PRRT1: variants seen among roughly 807,000 people sequenced by gnomAD.
PRRT1 encodes the protein proline-rich transmembrane protein 1.
A neutral mutation model predicts 22.6 loss-of-function variants in PRRT1; 8 were observed. The observed-to-expected ratio is 0.35, with a 90% CI of 0.21 to 0.64. The LOEUF (loss-of-function observed/expected upper bound fraction) is 0.64, where lower values mean the gene tolerates loss of function less well. Among genes scored for constraint, PRRT1 ranks in the 30% least tolerant of loss-of-function variants. PRRT1 has a pLI of 0.69. For missense variants in PRRT1, 315 were observed against 444.5 expected, an observed-to-expected ratio of 0.71 and a Z score of 2.62; for synonymous variants, 176 against 203.6, an observed-to-expected ratio of 0.86 and a Z score of 1.15.
chr6:32,148,758 G>T lies in PRRT1; in HGVS notation c.*464C>A, dbSNP rs748479713. 1 of 469,710 alleles carries T rather than the reference G, an allele frequency of 2.1e-6. No homozygotes were observed. Among genetic ancestry groups the T allele is most frequent in the South Asian group, 1.5e-5 (1 of 64,678 alleles). 29.1% of individuals were successfully genotyped at this position (469,710 alleles called of 1,614,324 possible). A position where few individuals can be genotyped will look rare whatever the true frequency, so the allele number is the denominator to read the frequency against. ...TTTGCCGGAAGAAAGGGAGGGGTCT[G>T]TCCGTCTGTGGGCGAGGCCTGGAGC... On this transcript the variant is annotated 3_prime_UTR_variant, in exon 4 of 4. Transcript: ENST00000211413. This position sits in a 1 kb window ranked among gnomAD's most constrained non-coding sequence, Gnocchi z 5.7.
intron 1 of PRRT1, chr6:32,151,218 C>G: frequency 1.6e-6 from 1 of 624,864 alleles, no homozygotes; most frequent in South Asian, 1.7e-5. Context: ...TTTGCTATAG[C>G]TGCCTTTGGG....
chr6:32,149,554 T>C lies in PRRT1; in HGVS notation c.727A>G (p.Ile243Val). Residue 243 changes from isoleucine to valine, a missense_variant, in exon 3 of 4, where the codon ATC (isoleucine) becomes GTC (valine). By Grantham distance (29) the Ile-to-Val change is conservative (BLOSUM62 3). This residue lies in a region of PRRT1 where 25 missense variants were observed against 47.8 expected (regional missense o/e 0.52). Coordinates refer to ENST00000211413, the MANE Select transcript of PRRT1 (RefSeq NM_030651.4). The surrounding 1 kb of genome is among the most constrained non-coding windows in gnomAD (Gnocchi z 8.7). ...CCCCCTACCTGCACGGCCTTGAAGATGGCAATGATGCCAGTAGGCCAGAAG... is the reference window on the plus strand; with the variant it reads ...CCCCCTACCTGCACGGCCTTGAAGACGGCAATGATGCCAGTAGGCCAGAAG... ...CCFWPTGIIA[I>V]FKAVQVRTAL... The C allele has an allele frequency of 6.2e-7, 1 of 1,613,032 alleles. No homozygotes were observed. The highest frequency in any genetic ancestry group is 1.1e-5 in the South Asian group (1 of 91,084).
Position 32,150,342 on chromosome 6 carries a change from C to A in PRRT1, c.558+26G>T. On this transcript the variant is annotated intron_variant, in intron 2 of 3. Coordinates refer to ENST00000211413, the MANE Select transcript of PRRT1 (RefSeq NM_030651.4). The surrounding 1 kb of genome is among the most constrained non-coding windows in gnomAD (Gnocchi z 7.2). ...TCCTGTATCGCGTCCCCCTCTTTCC[C>A]ATGTCCCTGTCTGCCCGGCACTCAC... The A allele has an allele frequency of 6.5e-7, 1 of 1,549,096 alleles. No individual in the cohort carries two copies. The highest frequency in any genetic ancestry group is 1.2e-5 in the South Asian group (1 of 82,662).
chr6:32,149,129 G>T lies in PRRT1; in HGVS notation c.*93C>A. Reference sequence around the variant, plus strand: ...ATCCAAGTCTGACGGCCCCAGAAACGGGTGTGCAGGGCGCCCATTGGGTCC... The same window carrying T: ...ATCCAAGTCTGACGGCCCCAGAAACTGGTGTGCAGGGCGCCCATTGGGTCC... On this transcript the variant is annotated 3_prime_UTR_variant, in exon 4 of 4. Coordinates refer to ENST00000211413, the MANE Select transcript of PRRT1 (RefSeq NM_030651.4). The surrounding 1 kb of genome is among the most constrained non-coding windows in gnomAD (Gnocchi z 8.7). 1.5e-6 allele frequency: 2 copies of T among 1,296,404 alleles called. No individual in the cohort carries two copies. Among genetic ancestry groups the T allele is most frequent in the East Asian group, 2.4e-5 (1 of 42,466 alleles). The allele number at this position is 1,296,404 out of a possible 1,614,324, so 80.3% of individuals were successfully genotyped here.
At position 32,150,720 on chromosome 6, in the gene PRRT1, GC is replaced by G; in HGVS notation, c.205del (p.Ala69ProfsTer96). On this transcript the variant is annotated frameshift_variant, in exon 2 of 4. Transcript: ENST00000211413. LOFTEE classifies it high-confidence loss of function. This position sits in a 1 kb window ranked among gnomAD's most constrained non-coding sequence, Gnocchi z 7.2. ...LGAGGLASSA[A>X]TAQRGPSSSA... is the part of the protein sequence containing the mutation. ...GGAGGAGGGACCGCGCTGAGCGGTG[GC>G]CGCGGAAGAGGCCAGGCCCCCTGCC... The G allele has an allele frequency of 6.8e-7, 1 of 1,479,648 alleles. No individual in the cohort carries two copies. The highest frequency in any genetic ancestry group is 9.0e-7 in the Non-Finnish European group (1 of 1,116,290). The allele number at this position is 1,479,648 out of a possible 1,614,324, so 91.7% of individuals were successfully genotyped here.
rs1303803381 is a variant in PRRT1, at chr6:32,149,744, G to A, written c.559-22C>T. On this transcript the variant is annotated intron_variant, in intron 2 of 3. Transcript: ENST00000211413. The surrounding 1 kb of genome is among the most constrained non-coding windows in gnomAD (Gnocchi z 8.7). Reference sequence around the variant, plus strand: ...ATGGCTGTGGAAGGAAATTTGGGGGGCAGGGGCATCACTCTGACCCTCTCC... The same window carrying A: ...ATGGCTGTGGAAGGAAATTTGGGGGACAGGGGCATCACTCTGACCCTCTCC... The A allele has an allele frequency of 6.7e-7, 1 of 1,498,332 alleles. No homozygotes were observed. Among genetic ancestry groups the A allele is most frequent in the Non-Finnish European group, 9.0e-7 (1 of 1,113,708 alleles). The allele number at this position is 1,498,332 out of a possible 1,614,324, so 92.8% of individuals were successfully genotyped here.
Position 32,149,091 on chromosome 6 carries a change from G to A in PRRT1, c.*131C>T. 1.0e-6 allele frequency: 1 copy of A among 978,652 alleles called. No homozygotes were observed. Among genetic ancestry groups the A allele is most frequent in the Non-Finnish European group, 1.6e-6 (1 of 624,162 alleles). The allele number at this position is 978,652 out of a possible 1,614,324, so 60.6% of individuals were successfully genotyped here. A position where few individuals can be genotyped will look rare whatever the true frequency, so the allele number is the denominator to read the frequency against. On this transcript the variant is annotated 3_prime_UTR_variant, in exon 4 of 4. Coordinates refer to ENST00000211413, the MANE Select transcript of PRRT1 (RefSeq NM_030651.4). This position sits in a 1 kb window ranked among gnomAD's most constrained non-coding sequence, Gnocchi z 8.7. ...CAAGGCGAGACGTTCCGTGGAGGCGGAGTTTACGATGTATCCAAGTCTGAC... is the reference window on the plus strand; with the variant it reads ...CAAGGCGAGACGTTCCGTGGAGGCGAAGTTTACGATGTATCCAAGTCTGAC...
At chr6:32,151,954 G>GC, upstream of PRRT1, 1 of 311,400 alleles carries the variant, frequency 3.2e-6, no homozygotes, top group Non-Finnish European at 6.2e-6. Flanking sequence ...GCAGCGGCGG[G>GC]GGGGGGGGGC....
chr6:32,151,302 A>G (rs1031174913), intron 1 of PRRT1: 13 of 464,516 alleles, frequency 2.8e-5, no homozygotes, highest in African/African-American at 2.6e-4. Flanking sequence ...TGCTCAATTC[A>G]ACAGTTGTAT....
Position 32,149,931 on chromosome 6 carries a change from C to T in PRRT1, c.559-209G>A. The stretch of plus-strand genomic sequence containing the variant: ...CTTCATTAACCACCATATTCTTGGG[C>T]TTTCTACATTCTCTCCCGCAAGGTA... On this transcript the variant is annotated intron_variant, in intron 2 of 3. Transcript: ENST00000211413. The surrounding 1 kb of genome is among the most constrained non-coding windows in gnomAD (Gnocchi z 8.7). 3 of 569,080 alleles carry T rather than the reference C, an allele frequency of 5.3e-6. No individual in the cohort carries two copies. Among genetic ancestry groups the T allele is most frequent in the East Asian group, 3.0e-5 (1 of 33,506 alleles). The allele number at this position is 569,080 out of a possible 1,614,324, so 35.3% of individuals were successfully genotyped here.
In PRRT1 at chr6:32,150,388, G is replaced by T; in HGVS notation, c.538C>A (p.Pro180Thr). ...CTCACCGTGCCCACCGGGTAGACCG[G>T]CACGTAAGCAGTGCAAGGCTGCAGC... ...LQLQPCTAYV[P>T]VYPVGTPYAG... Residue 180 changes from proline (P) to threonine (T), a missense_variant, in exon 2 of 4, where the codon CCG (proline) becomes ACG (threonine). By Grantham distance (38) the Pro-to-Thr change is conservative (BLOSUM62 -1). Around this residue, in one of 4 missense-constraint regions of PRRT1, gnomAD observed 263 missense variants for 328.5 expected, o/e 0.80. Transcript: ENST00000211413. The surrounding 1 kb of genome is among the most constrained non-coding windows in gnomAD (Gnocchi z 7.2). 6.4e-7 allele frequency: 1 copy of T among 1,553,024 alleles called. No individual in the cohort carries two copies. Among genetic ancestry groups the T allele is most frequent in the Non-Finnish European group, 8.6e-7 (1 of 1,157,410 alleles).
intron 1 of PRRT1, chr6:32,151,214 A>T: frequency 1.6e-6 from 1 of 628,770 alleles, no homozygotes; most frequent in Non-Finnish European, 2.9e-6. Context: ...CTCCTTTGCT[A>T]TAGCTGCCTT....
chr6:32,151,898 T>A lies in PRRT1; in HGVS notation c.-71A>T, dbSNP rs1229430783. 57 of 1,304,914 alleles carry A rather than the reference T, an allele frequency of 4.4e-5. No homozygotes were observed. The highest frequency in any genetic ancestry group is 5.6e-5 in the Non-Finnish European group (52 of 929,390). The allele number at this position is 1,304,914 out of a possible 1,614,324, so 80.8% of individuals were successfully genotyped here. On this transcript the variant is annotated 5_prime_UTR_variant, in exon 1 of 4. Transcript: ENST00000211413. ...TCCTCGGCCGGTGCTGGAGTCTGGG[T>A]GCTGGATGGCGCAGCCGGCAGCAGC... is the stretch of plus-strand genomic sequence containing the variant.
At position 32,150,355 on chromosome 6, in the gene PRRT1, G is replaced by GCCCGGCACTCACCGTGCCCA. The variant is rs769664895; in HGVS notation, c.551_558+12dup. On this transcript the variant is annotated intron_variant, in intron 2 of 3. Transcript: ENST00000211413. This position sits in a 1 kb window ranked among gnomAD's most constrained non-coding sequence, Gnocchi z 7.2. Reference sequence around the variant, plus strand: ...CCCCCTCTTTCCCATGTCCCTGTCTGCCCGGCACTCACCGTGCCCACCGGG... The same window carrying GCCCGGCACTCACCGTGCCCA: ...CCCCCTCTTTCCCATGTCCCTGTCTGCCCGGCACTCACCGTGCCCACCCGGCACTCACCGTGCCCACCGGG... 3.9e-6 allele frequency: 6 copies of GCCCGGCACTCACCGTGCCCA among 1,553,114 alleles called. No homozygotes were observed. The highest frequency in any genetic ancestry group is 4.1e-5 in the Admixed American group (2 of 48,636).
At chr6:32,151,951 C>CGGGGGGGGGGGGGGGGGGGG (rs1252634774), upstream of PRRT1, 12 of 215,002 alleles carry the variant, frequency 5.6e-5, no homozygotes, top group South Asian at 1.1e-4. Flanking sequence ...AAGGCAGCGG[C>CGGGGGGGGGGGGGGGGGGGG]GGGGGGGGGG....
Position 32,148,951 on chromosome 6 carries a change from G to A in PRRT1, c.*271C>T. On this transcript the variant is annotated 3_prime_UTR_variant, in exon 4 of 4. Coordinates refer to ENST00000211413, the MANE Select transcript of PRRT1 (RefSeq NM_030651.4). This position sits in a 1 kb window ranked among gnomAD's most constrained non-coding sequence, Gnocchi z 5.7. ...GTTGGGGGCGCTACACTTTGAGGGT[G>A]AGGGGGCCTGGAGCGACTGAGGGTC... The A allele has an allele frequency of 1.5e-6, 1 of 689,292 alleles. No homozygotes were observed. The highest frequency in any genetic ancestry group is 2.7e-6 in the Non-Finnish European group (1 of 376,586). 42.7% of individuals were successfully genotyped at this position (689,292 alleles called of 1,614,324 possible).
intron 1 of PRRT1, chr6:32,151,251 G>C: frequency 1.8e-6 from 1 of 571,312 alleles, no homozygotes; most frequent in Non-Finnish European, 3.1e-6. Flanking sequence ...AGCTAGTCCT[G>C]TGTGTGCGTA....
Position 32,148,440 on chromosome 6 carries a change from G to A in PRRT1, c.*782C>T. On this transcript the variant is annotated 3_prime_UTR_variant, in exon 4 of 4. Coordinates refer to ENST00000211413, the MANE Select transcript of PRRT1 (RefSeq NM_030651.4). The surrounding 1 kb of genome is among the most constrained non-coding windows in gnomAD (Gnocchi z 5.7). The stretch of plus-strand genomic sequence containing the variant: ...CAGATCAGAACAAGGCGGGGCCGCC[G>A]AGGGGAGCGGGGAGCGGGGACTTGG... 1 of 255,626 alleles carries A rather than the reference G, an allele frequency of 3.9e-6. No homozygotes were observed. Among genetic ancestry groups the A allele is most frequent in the South Asian group, 4.6e-5 (1 of 21,760 alleles). 15.8% of individuals were successfully genotyped at this position (255,626 alleles called of 1,614,324 possible).
Position 32,149,425 on chromosome 6 carries a change from G to A in PRRT1, c.745-27C>T, listed in dbSNP as rs1339225707. 4 of 1,594,790 alleles carry A rather than the reference G, an allele frequency of 2.5e-6. No individual in the cohort carries two copies. The highest frequency in any genetic ancestry group is 3.4e-6 in the Non-Finnish European group (4 of 1,167,814). On this transcript the variant is annotated intron_variant, in intron 3 of 3. Transcript: ENST00000211413. The surrounding 1 kb of genome is among the most constrained non-coding windows in gnomAD (Gnocchi z 8.7). ...TACGGAGGAGGGGTGGGGGAAGGAG[G>A]TCAAAGAGCTGCGGCCTCGTTCGAA...
Sources: allele counts gnomAD v4.1 joint callset, GRCh38; gene constraint gnomAD v4.1.1; regional missense constraint gnomAD v4.1.1; non-coding constraint Gnocchi (gnomAD v3.1); transcripts MANE v1.5; gene names NCBI Gene and HGNC (gene_info 2026-07-23, HGNC 2026-07-21).